Variants in SSPN observed in about 807,000 individuals in gnomAD.
The protein encoded by SSPN is K-ras oncogene-associated protein.
A neutral mutation model predicts 19.1 loss-of-function variants in SSPN; 15 were observed. The observed-to-expected ratio is 0.78, with a 90% CI of 0.52 to 1.21. SSPN has a LOEUF of 1.21. Ranked by LOEUF, SSPN falls within the 50% of genes most tolerant of loss-of-function variation. The pLI, the probability that SSPN is intolerant of heterozygous loss-of-function variation, is 0.00. For missense variants in SSPN, 291 were observed against 314.0 expected (o/e 0.93, Z 0.55); for synonymous variants, 147 against 140.3 (o/e 1.05, Z -0.34).
At chr12:26,179,270 G>T (rs1390553415) in intron 1 of SSPN, among the ~76,000 whole-genome samples, 1 of 152,192 alleles carries the variant, frequency 6.6e-6, no homozygotes, top group Non-Finnish European at 1.5e-5. Flanking sequence ...TCCTAGTGTG[G>T]CTGGACAGGA....
intron 1 of SSPN, among the ~76,000 whole-genome samples, chr12:26,138,386 G>T (rs1944441020): frequency 1.3e-5 from 2 of 152,126 alleles, no homozygotes; most frequent in Non-Finnish European, 2.9e-5. Flanking sequence ...TTCCAAAATA[G>T]GGTAAAATTT....
intron 1 of SSPN, among the ~76,000 whole-genome samples, chr12:26,138,923 T>G (rs1473991964): frequency 3.3e-5 from 5 of 152,172 alleles, no homozygotes; most frequent in African/African-American, 1.2e-4. Flanking sequence ...CTATGAATAT[T>G]TTAGTTACTT....
intron 1 of SSPN, among the ~76,000 whole-genome samples, chr12:26,148,363 G>A (rs1944505380): frequency 6.6e-6 from 1 of 152,216 alleles, no homozygotes. Context: ...GGGCACCGAT[G>A]GGGAGGAGAT....
chr12:26,125,128 A>G (rs1237448631), intron 1 of SSPN: 2 of 311,402 alleles, frequency 6.4e-6, no homozygotes, highest in South Asian at 2.6e-5. Context: ...GGGGCGGGGG[A>G]GGAGGGGCCG....
chr12:26,143,775 T>C (rs759992544), intron 1 of SSPN, among the ~76,000 whole-genome samples: 1 of 152,218 alleles, frequency 6.6e-6, no homozygotes, highest in Non-Finnish European at 1.5e-5. Flanking sequence ...AGGTGGGCGG[T>C]GGACATGCAA....
At chr12:26,169,996 G>A (rs569386717) in intron 1 of SSPN, among the ~76,000 whole-genome samples, 1 of 152,248 alleles carries the variant, frequency 6.6e-6, no homozygotes, top group Non-Finnish European at 1.5e-5. Context: ...TTCCAGAGGT[G>A]GAGAGAGAAC....
chr12:26,156,486 C>T (rs1944556628), intron 1 of SSPN, among the ~76,000 whole-genome samples: 1 of 152,178 alleles, frequency 6.6e-6, no homozygotes, highest in Non-Finnish European at 1.5e-5. Flanking sequence ...CCTCACACCA[C>T]CTGTTTTTGC....
At chr12:26,182,001 A>G (rs1250634607) in intron 1 of SSPN, among the ~76,000 whole-genome samples, 1 of 152,154 alleles carries the variant, frequency 6.6e-6, no homozygotes, top group Non-Finnish European at 1.5e-5. Context: ...TGAATAGTCT[A>G]TATGGGAGCC....
At chr12:26,124,867 G>GA (rs1045391425) in intron 1 of SSPN, 2 of 1,277,502 alleles carry the variant, frequency 1.6e-6, no homozygotes, top group African/African-American at 2.9e-5. Flanking sequence ...ACCTTGGGGG[G>GA]ATCTGTGCGT....
chr12:26,170,399 A>G (rs559578914), intron 1 of SSPN, among the ~76,000 whole-genome samples: 10 of 152,352 alleles, frequency 6.6e-5, no homozygotes, highest in African/African-American at 2.4e-4. Context: ...GGCTCTAAGT[A>G]AGAACTGTCC....
At chr12:26,164,511 G>C (rs1442862121) in intron 1 of SSPN, among the ~76,000 whole-genome samples, 1 of 152,192 alleles carries the variant, frequency 6.6e-6, no homozygotes, top group Non-Finnish European at 1.5e-5. Flanking sequence ...CTGTATTCCA[G>C]CCTAGGCGAC....
At chr12:26,144,323 C>T (rs772226227) in intron 1 of SSPN, among the ~76,000 whole-genome samples, 12 of 152,164 alleles carry the variant, frequency 7.9e-5, no homozygotes, top group Non-Finnish European at 7.3e-5. Flanking sequence ...CAAATGCTGG[C>T]CACCAGGCTG....
chr12:26,153,425 T>C (rs550151048), intron 1 of SSPN, among the ~76,000 whole-genome samples: 48 of 152,338 alleles, frequency 3.2e-4, no homozygotes, highest in African/African-American at 1.1e-3. Flanking sequence ...CTATTTGTTT[T>C]CTTATTTCCT....
At chr12:26,163,698 A>G (rs1944603692) in intron 1 of SSPN, among the ~76,000 whole-genome samples, 2 of 152,234 alleles carry the variant, frequency 1.3e-5, no homozygotes, top group Admixed American at 1.3e-4. Context: ...CCACCTCTTA[A>G]TATTATCACA....
At chr12:26,224,995 A>G (rs1205931975) in intron 2 of SSPN, among the ~76,000 whole-genome samples, 1 of 152,202 alleles carries the variant, frequency 6.6e-6, no homozygotes, top group African/African-American at 2.4e-5. Flanking sequence ...AAGGGAAGCA[A>G]AGACACTACC....
In SSPN at chr12:26,232,368, C is replaced by CT. The variant is rs3832810; in HGVS notation, c.*1293dup. 98,227 of 985,236 alleles carry CT rather than the reference C, an allele frequency of 0.1. 4,908 individuals carry two copies. The highest frequency in any genetic ancestry group is 0.17 in the Middle Eastern group (324 of 1,914). 61.0% of individuals were successfully genotyped at this position (985,236 alleles called of 1,614,324 possible). ...TGCCCCAAGGTGGGGAGACTTCTCT[C>CT]TGTGATTATTGTTGCTATTAAATTC... is the stretch of plus-strand genomic sequence containing the variant. On this transcript the variant is annotated 3_prime_UTR_variant, in exon 3 of 3. Coordinates refer to ENST00000242729, the MANE Select transcript of SSPN (RefSeq NM_005086.5).
At chr12:26,224,169 G>A (rs1049754477) in intron 1 of SSPN, 124 bp from the exon 2 acceptor site, 2 of 691,392 alleles carry the variant, frequency 2.9e-6, no homozygotes, top group East Asian at 5.1e-5. Context: ...AGTACATAAA[G>A]ATAAGTAAAA....
chr12:26,134,673 T>C (rs918126821), intron 1 of SSPN, among the ~76,000 whole-genome samples: 1 of 152,252 alleles, frequency 6.6e-6, no homozygotes, highest in Non-Finnish European at 1.5e-5. Flanking sequence ...GAAGTGTCCT[T>C]GTACCTGTTG....
chr12:26,210,260 T>G (rs1321473363), intron 1 of SSPN, among the ~76,000 whole-genome samples: 1 of 152,054 alleles, frequency 6.6e-6, no homozygotes, highest in Non-Finnish European at 1.5e-5. Context: ...TTATAAATAT[T>G]TTGCTATGTA....
Sources: allele counts gnomAD v4.1 joint callset (sites outside exome capture counted in the v4.1 genomes callset), GRCh38; gene constraint gnomAD v4.1.1; transcripts MANE v1.5; gene names NCBI Gene and HGNC (gene_info 2026-07-23, HGNC 2026-07-21).